Variants in TAOK3 observed in about 807,000 individuals in gnomAD.
The protein encoded by TAOK3 is serine/threonine-protein kinase TAO3.
A neutral mutation model predicts 120.4 loss-of-function variants in TAOK3; 40 were observed. That is an observed-to-expected ratio of 0.33 (90% confidence interval 0.26 to 0.43). The LOEUF (loss-of-function observed/expected upper bound fraction) is 0.43, where lower values mean the gene tolerates loss of function less well. Among genes scored for constraint, TAOK3 ranks in the 20% least tolerant of loss-of-function variants. TAOK3 has a pLI of 1.00. For missense variants in TAOK3, 821 were observed against 1,112.1 expected, an observed-to-expected ratio of 0.74 and a Z score of 3.72; for synonymous variants, 355 against 387.5, an observed-to-expected ratio of 0.92 and a Z score of 0.99.
At chr12:118,310,235 G>C (rs1456011785) in intron 1 of TAOK3, among the ~76,000 whole-genome samples, 2 of 152,238 alleles carry the variant, frequency 1.3e-5, no homozygotes, top group Admixed American at 1.3e-4. Flanking sequence ...AGTGAGCCGT[G>C]ATCGTGCCAC....
chr12:118,233,522 T>G lies in TAOK3; in HGVS notation c.643+152A>C, dbSNP rs1002869204. The G allele has an allele frequency of 5.9e-6, 3 of 510,218 alleles. No homozygotes were observed. The African/African-American group carries it at 6.0e-5, about 10-fold the overall frequency. The allele number at this position is 510,218 out of a possible 1,614,324, so 31.6% of individuals were successfully genotyped here. A position where few individuals can be genotyped will look rare whatever the true frequency, so the allele number is the denominator to read the frequency against. Reference sequence around the variant, plus strand: ...ATGAGTATAAAAAAATCTAATAAATTCGCATTGCCTAGCACACATATACCA... The same window carrying G: ...ATGAGTATAAAAAAATCTAATAAATGCGCATTGCCTAGCACACATATACCA... On this transcript the variant is annotated intron_variant, in intron 9 of 20. Transcript: ENST00000392533.
chr12:118,316,080 C>T (rs2043446715), intron 1 of TAOK3, among the ~76,000 whole-genome samples: 1 of 152,174 alleles, frequency 6.6e-6, no homozygotes, highest in Non-Finnish European at 1.5e-5. Flanking sequence ...GACTTAGAGA[C>T]TGCCTCTAAT....
intron 11 of TAOK3, among the ~76,000 whole-genome samples, chr12:118,206,865 G>A (rs1184167660): frequency 1.3e-5 from 2 of 151,962 alleles, no homozygotes; most frequent in African/African-American, 2.4e-5. Flanking sequence ...AAAGTGCTGG[G>A]ATTACAGGCG....
At chr12:118,184,496 T>A (rs1202590190) in intron 14 of TAOK3, among the ~76,000 whole-genome samples, 3 of 152,234 alleles carry the variant, frequency 2.0e-5, no homozygotes, top group Admixed American at 1.3e-4. Context: ...CTTTCACATA[T>A]AATTTACCTC....
chr12:118,360,424 C>T (rs1415374391), intron 1 of TAOK3, among the ~76,000 whole-genome samples: 2 of 149,872 alleles, frequency 1.3e-5, no homozygotes, highest in East Asian at 2.0e-4. Flanking sequence ...AAAAATTAGC[C>T]GGGCATGGTG....
chr12:118,264,822 T>C (rs2041373362), intron 2 of TAOK3, among the ~76,000 whole-genome samples: 2 of 152,158 alleles, frequency 1.3e-5, no homozygotes, highest in South Asian at 4.2e-4. Context: ...TCATTTGAGG[T>C]CAGGAGTTCG....
At chr12:118,197,774 G>A (rs955707386) in intron 13 of TAOK3, among the ~76,000 whole-genome samples, 5 of 130,872 alleles carry the variant, frequency 3.8e-5, no homozygotes, top group Non-Finnish European at 6.2e-5. Context: ...TGCAAGCTCC[G>A]CCTCCCAGGT....
intron 1 of TAOK3, among the ~76,000 whole-genome samples, chr12:118,360,800 A>G (rs754293264): frequency 1.3e-5 from 2 of 152,196 alleles, no homozygotes; most frequent in Non-Finnish European, 2.9e-5. Flanking sequence ...ACTCATTTGT[A>G]GTTAGTGTAG....
intron 16 of TAOK3, 55 bp downstream of exon 16, chr12:118,177,146 T>G: frequency 6.4e-7 from 1 of 1,573,954 alleles, no homozygotes; most frequent in Non-Finnish European, 8.7e-7. Flanking sequence ...GAGTGAATGT[T>G]AAGTTCCAAC....
chr12:118,306,925 G>C (rs2043073644), intron 1 of TAOK3, among the ~76,000 whole-genome samples: 1 of 152,192 alleles, frequency 6.6e-6, no homozygotes, highest in Non-Finnish European at 1.5e-5. Context: ...GTAAGCACTT[G>C]AAATGTGGCT....
At position 118,216,476 on chromosome 12, in the gene TAOK3, C is replaced by A. The variant is rs1376235078; in HGVS notation, c.644-2366G>T. ...CTCTAAGAGCACAAGATCTTATAAC[C>A]TGAATATTCTTTTTCTTTTACTTAT... On this transcript the variant is annotated intron_variant, in intron 9 of 20. Coordinates refer to ENST00000392533, the MANE Select transcript of TAOK3 (RefSeq NM_016281.4). Among the ~76,000 whole-genome samples the A allele has an allele frequency of 3.9e-5, 6 of 152,136 alleles. No homozygotes were observed. The East Asian group carries it at 1.2e-3, about 29-fold the overall frequency.
chr12:118,230,489 T>C, intron 9 of TAOK3, among the ~76,000 whole-genome samples: 1 of 123,110 alleles, frequency 8.1e-6, no homozygotes, highest in East Asian at 2.7e-4. Context: ...TTTTTTTTTT[T>C]GAGACAGAGT....
chr12:118,234,916 T>C (rs2039959810), intron 8 of TAOK3, among the ~76,000 whole-genome samples: 1 of 152,198 alleles, frequency 6.6e-6, no homozygotes, highest in Non-Finnish European at 1.5e-5. Flanking sequence ...CTGTACTCTA[T>C]TATGATGTGT....
intron 1 of TAOK3, among the ~76,000 whole-genome samples, chr12:118,274,067 TCC>T (rs1314005949): frequency 2.0e-5 from 3 of 151,762 alleles, no homozygotes; most frequent in Admixed American, 2.0e-4. Context: ...TTTGGTTTCT[TCC>T]CCCGTTTCCT....
At chr12:118,297,536 C>T (rs1328356028) in intron 1 of TAOK3, among the ~76,000 whole-genome samples, 1 of 152,150 alleles carries the variant, frequency 6.6e-6, no homozygotes, top group African/African-American at 2.4e-5. Flanking sequence ...CCTTTTCTCC[C>T]TTGTAGTGAC....
At chr12:118,192,575 T>C (rs1478590743) in intron 13 of TAOK3, among the ~76,000 whole-genome samples, 3 of 152,246 alleles carry the variant, frequency 2.0e-5, no homozygotes, top group African/African-American at 7.2e-5. Flanking sequence ...TCAGTTCCAC[T>C]GCATAAAACA....
chr12:118,175,171 A>T (rs1423972486), intron 16 of TAOK3, among the ~76,000 whole-genome samples: 1 of 152,184 alleles, frequency 6.6e-6, no homozygotes. Context: ...AGCCAGTGTA[A>T]ATCAAATACA....
At chr12:118,285,164 T>G (rs982108377) in intron 1 of TAOK3, among the ~76,000 whole-genome samples, 5 of 151,988 alleles carry the variant, frequency 3.3e-5, no homozygotes, top group African/African-American at 9.7e-5. Context: ...TGCCTCAGCC[T>G]CCTGAGTAGC....
At chr12:118,288,034 T>C (rs995075502) in intron 1 of TAOK3, among the ~76,000 whole-genome samples, 1 of 151,576 alleles carries the variant, frequency 6.6e-6, no homozygotes, top group East Asian at 1.9e-4. Flanking sequence ...AAGGATTATC[T>C]AGTGTGCAAT....
Sources: gnomAD v4.1 joint callset for allele counts (sites outside exome capture counted in the v4.1 genomes callset) on GRCh38, gnomAD v4.1.1 for gene constraint, MANE v1.5 for transcripts, NCBI Gene and HGNC (gene_info 2026-07-23, HGNC 2026-07-21) for gene names.